GPC5: variants seen among roughly 807,000 people sequenced by gnomAD.
GPC5 encodes glypican 5, also known as glypican-5.
Under a neutral mutation model 53.9 loss-of-function variants are expected in GPC5, and 47 were observed. That is an observed-to-expected ratio of 0.87 (90% CI 0.69 to 1.11). The LOEUF is 1.11. GPC5 is among the 50% of genes most tolerant of loss of function. GPC5 has a pLI of 0.00. For missense variants in GPC5, 748 were observed against 713.1 expected (o/e 1.05, Z -0.56); for synonymous variants, 286 against 263.3 (o/e 1.09, Z -0.84).
intron 7 of GPC5, among the ~76,000 whole-genome samples, chr13:92,615,473 A>C (rs550358153): frequency 6.6e-6 from 1 of 152,256 alleles, no homozygotes; most frequent in South Asian, 2.1e-4. Context: ...GTGACGACAA[A>C]AGGAGCTTGC....
chr13:92,502,470 T>C (rs1035504724), intron 7 of GPC5, among the ~76,000 whole-genome samples: 2 of 151,946 alleles, frequency 1.3e-5, no homozygotes, highest in African/African-American at 4.8e-5. Context: ...ATATGCTGTC[T>C]ACAAAAAATT....
At chr13:92,575,138 C>T (rs997412140) in intron 7 of GPC5, among the ~76,000 whole-genome samples, 1 of 152,074 alleles carries the variant, frequency 6.6e-6, no homozygotes, top group African/African-American at 2.4e-5. Flanking sequence ...CTCTTTTATT[C>T]TTATAATAGT....
chr13:91,462,173 C>G (rs1199513572), intron 2 of GPC5, among the ~76,000 whole-genome samples: 2 of 152,122 alleles, frequency 1.3e-5, no homozygotes, highest in African/African-American at 4.8e-5. Flanking sequence ...ACTGGCTTAA[C>G]AAACGCCGTG....
At chr13:91,958,548 T>C (rs1163284136) in intron 6 of GPC5, among the ~76,000 whole-genome samples, 1 of 152,028 alleles carries the variant, frequency 6.6e-6, no homozygotes, top group Admixed American at 6.6e-5. Context: ...GACATTTACA[T>C]TTCATTGAAC....
chr13:92,379,606 C>CTGTCCTCTGCATATTAGTTCCTCTCTG (rs1419084362), intron 7 of GPC5, among the ~76,000 whole-genome samples: 3 of 149,716 alleles, frequency 2.0e-5, no homozygotes, highest in Non-Finnish European at 4.4e-5. Flanking sequence ...GTTCCTCTCT[C>CTGTCCTCTGCATATTAGTTCCTCTCTG]TGTCCTCTGC....
At chr13:91,811,987 A>G (rs2038319319) in intron 5 of GPC5, among the ~76,000 whole-genome samples, 1 of 152,212 alleles carries the variant, frequency 6.6e-6, no homozygotes, top group Non-Finnish European at 1.5e-5. Flanking sequence ...CCATGCTCTG[A>G]AACAGGTTGC....
At chr13:92,267,636 C>A (rs2042811629) in intron 7 of GPC5, among the ~76,000 whole-genome samples, 1 of 152,064 alleles carries the variant, frequency 6.6e-6, no homozygotes, top group Admixed American at 6.6e-5. Context: ...TAAGTCATGT[C>A]TCTAATAACA....
intron 6 of GPC5, among the ~76,000 whole-genome samples, chr13:91,937,497 T>C (rs887349547): frequency 6.6e-6 from 1 of 152,096 alleles, no homozygotes; most frequent in Non-Finnish European, 1.5e-5. Flanking sequence ...TTAATATTGA[T>C]CTTTTATATG....
At chr13:91,959,057 A>AACAC (rs147785443) in intron 6 of GPC5, among the ~76,000 whole-genome samples, 20,529 of 127,258 alleles carry the variant, frequency 0.16, 1,882 homozygotes, top group African/African-American at 0.22. Context: ...GAATGGAGAC[A>AACAC]ACACACACAC....
chr13:92,652,697 C>A (rs1478797316), intron 7 of GPC5, among the ~76,000 whole-genome samples: 1 of 152,126 alleles, frequency 6.6e-6, no homozygotes, highest in East Asian at 1.9e-4. Flanking sequence ...CAAACTGATA[C>A]ATAATACATT....
chr13:91,840,641 C>A (rs2038775204), intron 5 of GPC5, among the ~76,000 whole-genome samples: 1 of 151,722 alleles, frequency 6.6e-6, no homozygotes, highest in African/African-American at 2.4e-5. Flanking sequence ...TTCATACTTA[C>A]AATGCATTTT....
intron 2 of GPC5, among the ~76,000 whole-genome samples, chr13:91,507,200 T>C (rs1256376357): frequency 1.3e-5 from 2 of 152,120 alleles, no homozygotes; most frequent in African/African-American, 4.8e-5. Context: ...GGTAAGGGCC[T>C]AGTTCCTGGT....
chr13:92,103,168 G>T (rs1043260749), intron 6 of GPC5, among the ~76,000 whole-genome samples: 1 of 151,812 alleles, frequency 6.6e-6, no homozygotes, highest in Non-Finnish European at 1.5e-5. Context: ...TGCTTGTGAA[G>T]TTTTTTTTAA....
intron 7 of GPC5, among the ~76,000 whole-genome samples, chr13:92,361,351 C>T (rs1264792271): frequency 2.6e-5 from 4 of 151,676 alleles, no homozygotes; most frequent in African/African-American, 9.8e-5. Context: ...GCTGTCTTAC[C>T]TGGACCCGGT....
chr13:91,721,242 C>A (rs2036466909), intron 3 of GPC5, among the ~76,000 whole-genome samples: 1 of 152,062 alleles, frequency 6.6e-6, no homozygotes, highest in African/African-American at 2.4e-5. Flanking sequence ...TCAAGCAATT[C>A]TCCTGTCTCA....
At chr13:92,675,640 T>G (rs980911217) in intron 7 of GPC5, among the ~76,000 whole-genome samples, 6 of 151,992 alleles carry the variant, frequency 3.9e-5, no homozygotes. Context: ...CAACTCCAAA[T>G]AAATAGAAAC....
chr13:91,480,954 G>A (rs1054939657), intron 2 of GPC5, among the ~76,000 whole-genome samples: 4 of 120,086 alleles, frequency 3.3e-5, no homozygotes, highest in Admixed American at 1.7e-4. Context: ...TTCTATCTTG[G>A]AGGTTTTTTT....
chr13:91,492,912 T>C (rs1884018825), intron 2 of GPC5, among the ~76,000 whole-genome samples: 1 of 152,196 alleles, frequency 6.6e-6, no homozygotes, highest in South Asian at 2.1e-4. Context: ...AGTTTAAGTA[T>C]AGCAACCTGC....
intron 5 of GPC5, among the ~76,000 whole-genome samples, chr13:91,870,982 T>G (rs190380500): frequency 1.3e-5 from 2 of 152,316 alleles, no homozygotes. Flanking sequence ...GGGACCCAAG[T>G]CTTAACATCA....
Sources: gnomAD v4.1 joint callset for allele counts (sites outside exome capture counted in the v4.1 genomes callset) on GRCh38, gnomAD v4.1.1 for gene constraint, MANE v1.5 for transcripts, NCBI Gene and HGNC (gene_info 2026-07-23, HGNC 2026-07-21) for gene names.